The following SPTA1 variants were observed in gnomAD, a reference collection of about 807,000 sequenced individuals.
The protein encoded by SPTA1 is spectrin alpha, erythrocytic 1.
A neutral mutation model predicts 324.7 loss-of-function variants in SPTA1; 177 were observed. The observed-to-expected ratio is 0.55, with a 90% confidence interval of 0.48 to 0.62. SPTA1 has a LOEUF of 0.62. Among genes scored for constraint, SPTA1 ranks in the 20% least tolerant of loss-of-function variants. The probability of loss-of-function intolerance (pLI) is 0.00; values close to 1 mark genes in which losing one functional copy is unlikely to be tolerated. For synonymous variants in SPTA1, 1,195 were observed against 1,041.3 expected (o/e 1.15, Z -2.84); for missense variants, 3,162 against 2,883.6 (o/e 1.10, Z -2.21).
Position 158,681,625 on chromosome 1 carries a change from C to T in SPTA1, c.433G>A (p.Glu145Lys). 6.2e-7 allele frequency: 1 copy of T among 1,613,804 alleles called. No homozygotes were observed. Among genetic ancestry groups the T allele is most frequent in the African/African-American group, 1.3e-5 (1 of 75,000 alleles). ...ELRHLWDLLL[E>K]LTLEKGDQLL... ...TGGTCACCCTTCTCCAGGGTCAGCTCTAACAGCAGGTCCCACAGGTGGCGT... is the reference window on the plus strand; with the variant it reads ...TGGTCACCCTTCTCCAGGGTCAGCTTTAACAGCAGGTCCCACAGGTGGCGT... The change falls in exon 4 of 52, where the codon GAG becomes AAG. Residue 145 changes from glutamate (E) to lysine (K), a missense_variant. Glu to Lys is a moderately conservative substitution (Grantham distance 56). Coordinates refer to ENST00000643759, the MANE Select transcript of SPTA1 (RefSeq NM_003126.4).
intron 27 of SPTA1, among the ~76,000 whole-genome samples, chr1:158,647,200 C>T (rs1309906472): frequency 1.3e-5 from 2 of 152,152 alleles, no homozygotes; most frequent in African/African-American, 2.4e-5. Flanking sequence ...CTGTTTGTTA[C>T]AATGTGTGTT....
At position 158,616,923 on chromosome 1, in the gene SPTA1, C is replaced by G. The variant is rs192750785; in HGVS notation, c.6600+614G>C. ...TTCCTTGTTTTTTTAATAAAAGCCACTTTAACTCAAGTGAGATGACAGTCA... is the reference window on the plus strand; with the variant it reads ...TTCCTTGTTTTTTTAATAAAAGCCAGTTTAACTCAAGTGAGATGACAGTCA... On this transcript the variant is annotated intron_variant, in intron 47 of 51. Coordinates refer to ENST00000643759, the MANE Select transcript of SPTA1 (RefSeq NM_003126.4). Among the ~76,000 whole-genome samples, 322 of 152,132 alleles carry G rather than the reference C, an allele frequency of 2.1e-3. 3 individuals carry two copies. The highest frequency in any genetic ancestry group is 7.4e-3 in the African/African-American group (309 of 41,494).
At chr1:158,666,251 A>ATAAGTAATAATTACTTATTACT in intron 16 of SPTA1, 65 bp downstream of exon 16, 1 of 1,542,844 alleles carries the variant, frequency 6.5e-7, no homozygotes, top group Non-Finnish European at 8.9e-7. Context: ...TTATTACTTA[A>ATAAGTAATAATTACTTATTACT]TAACGAGTGT....
intron 2 of SPTA1, 152 bp downstream of exon 2, chr1:158,684,956 C>T (rs1655060617): frequency 1.1e-6 from 1 of 902,062 alleles, no homozygotes; most frequent in East Asian, 2.6e-5. Flanking sequence ...TAATTTATTT[C>T]TTTAACTTCC....
At chr1:158,680,342 A>G (rs1465369545) in intron 5 of SPTA1, among the ~76,000 whole-genome samples, 1 of 152,074 alleles carries the variant, frequency 6.6e-6, no homozygotes, top group Non-Finnish European at 1.5e-5. Flanking sequence ...TGTGTATTTA[A>G]TTTCTCCAAA....
rs1161647781 is a variant in SPTA1, at chr1:158,645,275, C to CT, written c.4106dup (p.Leu1370AlafsTer10). On this transcript the variant is annotated frameshift_variant, in exon 29 of 52. Coordinates refer to ENST00000643759, the MANE Select transcript of SPTA1 (RefSeq NM_003126.4). LOFTEE classifies it high-confidence loss of function. ...CTCTCTCTAGCTTGACAGCTTGAAG[C>CT]TTTTTTTCAATTTCAGGGCTAGCAT... 2 of 1,613,998 alleles carry CT rather than the reference C, an allele frequency of 1.2e-6. No individual in the cohort carries two copies. The highest frequency in any genetic ancestry group is 2.2e-5 in the East Asian group (1 of 44,878).
At chr1:158,653,534 T>C in intron 21 of SPTA1, 109 bp from the exon 22 acceptor site, 3 of 1,451,866 alleles carry the variant, frequency 2.1e-6, no homozygotes, top group Non-Finnish European at 9.5e-7. Context: ...ATGGCAAAGA[T>C]AAGCTAACCA....
intron 16 of SPTA1, among the ~76,000 whole-genome samples, chr1:158,663,902 TG>T (rs1330863342): frequency 4.6e-5 from 7 of 152,332 alleles, no homozygotes; most frequent in Non-Finnish European, 7.4e-5. Context: ...GAGAAACATC[TG>T]GCACTTTGTT....
chr1:158,617,947 G>T, intron 46 of SPTA1, 92 bp downstream of exon 46: 1 of 1,212,448 alleles, frequency 8.2e-7, no homozygotes, highest in South Asian at 1.2e-5. Context: ...AGATTACAAT[G>T]GAATGAAAAT....
rs34783066 is a variant in SPTA1 at position 158,686,642 on chromosome 1, GA to G, written c.-126del. On this transcript the variant is annotated 5_prime_UTR_variant, in exon 1 of 52. The change abolishes the stop of an existing upstream ORF in the 5' untranslated region. Coordinates refer to ENST00000643759, the MANE Select transcript of SPTA1 (RefSeq NM_003126.4). ...ATATAGAAACGTTAAGTATGTGGGGGAAAAAAAAAAACCTCTTGCTTGGTCC... is the reference window on the plus strand; with the variant it reads ...ATATAGAAACGTTAAGTATGTGGGGGAAAAAAAAAACCTCTTGCTTGGTCC... The G allele has an allele frequency of 6.8e-3, 3,744 of 551,796 alleles. No individual in the cohort carries two copies. Among genetic ancestry groups the G allele is most frequent in the South Asian group, 0.012 (561 of 48,440 alleles). 34.2% of individuals were successfully genotyped at this position (551,796 alleles called of 1,614,324 possible). A position where few individuals can be genotyped will look rare whatever the true frequency, so the allele number is the denominator to read the frequency against.
Position 158,647,537 on chromosome 1 carries a change from A to G in SPTA1, c.3896+2T>C. On this transcript the variant is annotated splice_donor_variant, in intron 27 of 51. Transcript: ENST00000643759. LOFTEE classifies it high-confidence loss of function. ...ACACGGAAGTTACCCACCCCACTCT[A>G]CCTGGCCTTGCTGAGGAACAGGTAG... is the stretch of plus-strand genomic sequence containing the variant. The G allele has an allele frequency of 6.2e-7, 1 of 1,612,932 alleles. No homozygotes were observed. Among genetic ancestry groups the G allele is most frequent in the Non-Finnish European group, 8.5e-7 (1 of 1,179,816 alleles).
intron 2 of SPTA1, among the ~76,000 whole-genome samples, chr1:158,684,496 T>A (rs1447919926): frequency 6.6e-6 from 1 of 152,148 alleles, no homozygotes; most frequent in Non-Finnish European, 1.5e-5. Flanking sequence ...ATGAGTATTG[T>A]AACCATCAAA....
Position 158,620,256 on chromosome 1 carries a change from C to T in SPTA1, c.6331G>A (p.Ala2111Thr). 1 of 1,614,126 alleles carries T rather than the reference C, an allele frequency of 6.2e-7. No homozygotes were observed. The highest frequency in any genetic ancestry group is 8.5e-7 in the Non-Finnish European group (1 of 1,180,030). Reference protein sequence around the residue: ...CLLELDQQIKALGVPSSPYTW... With the variant: ...CLLELDQQIKTLGVPSSPYTW... ...TAAGGGCTGGAAGGCACACCTAAGG[C>T]CTTAATCTGCTGGTCTAGCTCCAGC... Residue 2111 changes from alanine to threonine, a missense_variant, in exon 44 of 52, where the codon GCC becomes ACC. Ala to Thr is a moderately conservative substitution (Grantham distance 58). Coordinates refer to ENST00000643759, the MANE Select transcript of SPTA1 (RefSeq NM_003126.4).
At position 158,623,097 on chromosome 1, in the gene SPTA1, C is replaced by A. The variant is rs773715691; in HGVS notation, c.6006G>T (p.Gln2002His). 4.3e-6 allele frequency: 7 copies of A among 1,614,036 alleles called. No homozygotes were observed. The East Asian group carries it at 1.3e-4, about 31-fold the overall frequency. Residue 2002 changes from glutamine to histidine, a missense_variant, in exon 43 of 52, where the codon CAG becomes CAT. Coordinates refer to ENST00000643759, the MANE Select transcript of SPTA1 (RefSeq NM_003126.4). ...KDKLISAQHN[Q>H]SKAIEERYAA... ...CATAACGCTCTTCAATGGCTTTAGA[C>A]TGGTTGTGTTGAGCAGAAATCAGTT... is the stretch of plus-strand genomic sequence containing the variant.
At chr1:158,681,044 C>T (rs977901730) in intron 4 of SPTA1, among the ~76,000 whole-genome samples, 1 of 152,126 alleles carries the variant, frequency 6.6e-6, no homozygotes, top group Admixed American at 6.5e-5. Context: ...TTCAACATAT[C>T]AGTATCTACG....
At chr1:158,652,224 C>T (rs962823103) in intron 23 of SPTA1, among the ~76,000 whole-genome samples, 1 of 152,156 alleles carries the variant, frequency 6.6e-6, no homozygotes, top group African/African-American at 2.4e-5. Context: ...AAGACCAGCA[C>T]TCCAGGGAGG....
At chr1:158,675,268 C>A (rs1017300958) in intron 8 of SPTA1, among the ~76,000 whole-genome samples, 1 of 152,120 alleles carries the variant, frequency 6.6e-6, no homozygotes, top group Non-Finnish European at 1.5e-5. Flanking sequence ...TTTTTGTAAG[C>A]TTGTAATCCA....
At chr1:158,617,054 AT>A (rs202082256) in intron 47 of SPTA1, among the ~76,000 whole-genome samples, 3 of 134,910 alleles carry the variant, frequency 2.2e-5, no homozygotes, top group East Asian at 2.2e-4. Context: ...TAAAAAAAAA[AT>A]GTTGAGAAAC....
rs763897403 is a variant in SPTA1 at position 158,648,604 on chromosome 1, T to C, written c.3619A>G (p.Ser1207Gly). 11 of 1,613,906 alleles carry C rather than the reference T, an allele frequency of 6.8e-6. No homozygotes were observed. The highest frequency in any genetic ancestry group is 1.6e-4 in the Middle Eastern group (1 of 6,066). ...EQIEKKCQALSAADPGSDLFS... is the reference protein window; with the variant it reads ...EQIEKKCQALGAADPGSDLFS... ...AGATCTGAGCCAGGGTCTGCAGCAC[T>C]GAGGGCCTGGCATTTCTTCTCAATC... is the stretch of plus-strand genomic sequence containing the variant. The change falls in exon 26 of 52, where the codon AGT becomes GGT. Residue 1207 changes from serine to glycine, a missense_variant. Physicochemically the swap from Ser to Gly is moderately conservative, Grantham distance 56. Transcript: ENST00000643759.
Sources: gnomAD v4.1 joint callset for allele counts (sites outside exome capture counted in the v4.1 genomes callset) on GRCh38, gnomAD v4.1.1 for gene constraint, MANE v1.5 for transcripts, NCBI Gene and HGNC (gene_info 2026-07-23, HGNC 2026-07-21) for gene names.